Variants in CHEK2 observed in about 807,000 individuals in gnomAD.
CHEK2 encodes checkpoint kinase 2.
A neutral mutation model predicts 69.1 loss-of-function variants in CHEK2; 71 were observed. The ratio of observed to expected loss-of-function variants is 1.03; its 90% CI spans 0.85 to 1.25. CHEK2 has a LOEUF of 1.25. CHEK2 is among the 50% of genes most tolerant of loss of function. CHEK2 has a pLI of 0.00. For synonymous variants in CHEK2, 189 were observed against 226.9 expected, an observed-to-expected ratio of 0.83 and a Z score of 1.50; for missense variants, 664 against 649.6, an observed-to-expected ratio of 1.02 and a Z score of -0.24.
chr22:28,695,274 A>G (rs571578266), intron 11 of CHEK2, 32 bp from the exon 12 acceptor site: 1 of 1,215,754 alleles, frequency 8.2e-7, no homozygotes, highest in African/African-American at 1.5e-5. Flanking sequence ...AAGGAAAAGA[A>G]ATCAAGTGGC....
intron 2 of CHEK2, among the ~76,000 whole-genome samples, chr22:28,733,214 C>A (rs1368212955): frequency 6.6e-6 from 1 of 152,142 alleles, no homozygotes; most frequent in African/African-American, 2.4e-5. Flanking sequence ...GAGACAAAAA[C>A]AAGTAACAAG....
intron 7 of CHEK2, chr22:28,708,952 CAAAAAAAAA>C (rs374623367): frequency 3.0e-6 from 1 of 328,446 alleles, no homozygotes; most frequent in Non-Finnish European, 5.8e-6. Context: ...GCCTCCGTCT[CAAAAAAAAA>C]AAAAAAAAAA....
intron 13 of CHEK2, among the ~76,000 whole-genome samples, chr22:28,691,942 T>G (rs1374260004): frequency 6.6e-6 from 1 of 152,222 alleles, no homozygotes; most frequent in Non-Finnish European, 1.5e-5. Context: ...ACCCAAACTA[T>G]CACTAACAGA....
chr22:28,705,055 C>A (rs957514050), intron 7 of CHEK2, among the ~76,000 whole-genome samples: 2 of 151,292 alleles, frequency 1.3e-5, no homozygotes, highest in Non-Finnish European at 2.9e-5. Flanking sequence ...AATACAAAAT[C>A]TGAATACTCC....
intron 7 of CHEK2, among the ~76,000 whole-genome samples, chr22:28,708,506 C>G (rs1465660075): frequency 6.6e-6 from 1 of 151,906 alleles, no homozygotes; most frequent in East Asian, 1.9e-4. Context: ...AGGTCAGCCA[C>G]TCAGGTTCTC....
intron 5 of CHEK2, among the ~76,000 whole-genome samples, chr22:28,712,714 A>C (rs2053447999): frequency 6.6e-6 from 1 of 152,192 alleles, no homozygotes; most frequent in Non-Finnish European, 1.5e-5. Context: ...CTAGGGCATC[A>C]ATTACCCATT....
rs1555911587 is a variant in CHEK2 at position 28,687,953 on chromosome 22, C to A, written c.1576G>T (p.Glu526Ter). ...STSRKRPREG[E>*]AEGAETTKRP... ...TTTGTGGTCTCGGCACCCTCGGCTT[C>A]CCCTTCACGGGGCCGCTTTCGACTA... The change falls in exon 15 of 15, where the codon GAA becomes TAA. Residue 526 changes from glutamate (E) to a stop codon, truncating the protein, a stop_gained. Coordinates refer to ENST00000404276, the MANE Select transcript of CHEK2 (RefSeq NM_007194.4). LOFTEE classifies it high-confidence loss of function. 6.3e-7 allele frequency: 1 copy of A among 1,596,396 alleles called. No homozygotes were observed. The highest frequency in any genetic ancestry group is 8.5e-7 in the Non-Finnish European group (1 of 1,179,740).
At position 28,734,415 on chromosome 22, in the gene CHEK2, A is replaced by G. The variant is rs587781669; in HGVS notation, c.307T>C (p.Phe103Leu). 4 of 1,613,888 alleles carry G rather than the reference A, an allele frequency of 2.5e-6. No individual in the cohort carries two copies. The highest frequency in any genetic ancestry group is 3.4e-6 in the Non-Finnish European group (4 of 1,179,902). Residue 103 changes from phenylalanine to leucine, a missense_variant, in exon 2 of 15, where the codon TTT becomes CTT. Phe to Leu is a conservative substitution (Grantham distance 22, BLOSUM62 0). Coordinates refer to ENST00000404276, the MANE Select transcript of CHEK2 (RefSeq NM_007194.4). Reference protein sequence around the residue: ...WARLWALQDGFANLECVNDNY... With the variant: ...WARLWALQDGLANLECVNDNY... Reference sequence around the variant, plus strand: ...CAAAGGGTCTTACCAAGATTGGCAAATCCATCCTGAAGGGCCCATAATCGA... The same window carrying G: ...CAAAGGGTCTTACCAAGATTGGCAAGTCCATCCTGAAGGGCCCATAATCGA...
At chr22:28,693,251 A>C (rs1176224002) in intron 13 of CHEK2, among the ~76,000 whole-genome samples, 1 of 152,228 alleles carries the variant, frequency 6.6e-6, no homozygotes, top group Non-Finnish European at 1.5e-5. Context: ...AACTCTTGGC[A>C]GTTCCAGATG....
intron 2 of CHEK2, among the ~76,000 whole-genome samples, chr22:28,729,732 T>C (rs1420905245): frequency 6.6e-6 from 1 of 151,990 alleles, no homozygotes; most frequent in Non-Finnish European, 1.5e-5. Flanking sequence ...AGTAAACTCC[T>C]TCAACCTAAT....
At chr22:28,691,887 A>G (rs1302044059) in intron 13 of CHEK2, among the ~76,000 whole-genome samples, 1 of 152,214 alleles carries the variant, frequency 6.6e-6, no homozygotes, top group Non-Finnish European at 1.5e-5. Flanking sequence ...CAGACCCACA[A>G]AACCATTTGG....
At chr22:28,695,053 T>C (rs1344630366) in intron 12 of CHEK2, 74 bp downstream of exon 12, 18 of 906,430 alleles carry the variant, frequency 2.0e-5, no homozygotes, top group Non-Finnish European at 2.6e-5. Context: ...ACCATGGAAT[T>C]TGGGAAGAAA....
At chr22:28,732,093 C>T (rs2054234254) in intron 2 of CHEK2, among the ~76,000 whole-genome samples, 1 of 152,006 alleles carries the variant, frequency 6.6e-6, no homozygotes, top group Non-Finnish European at 1.5e-5. Context: ...AGATGCCTGC[C>T]ACAACGCCCC....
intron 4 of CHEK2, among the ~76,000 whole-genome samples, chr22:28,719,717 T>C (rs920387947): frequency 2.0e-5 from 3 of 152,240 alleles, no homozygotes; most frequent in African/African-American, 7.2e-5. Flanking sequence ...AATGGAACTA[T>C]AAGCATCACT....
intron 10 of CHEK2, 89 bp from the exon 11 acceptor site, chr22:28,695,962 C>A: frequency 2.0e-6 from 2 of 1,015,758 alleles, no homozygotes; most frequent in South Asian, 2.6e-5. Flanking sequence ...GACACGTAGG[C>A]TAGATCAGTT....
intron 2 of CHEK2, among the ~76,000 whole-genome samples, chr22:28,733,769 A>G (rs1411632648): frequency 1.3e-5 from 2 of 151,936 alleles, no homozygotes; most frequent in African/African-American, 4.8e-5. Flanking sequence ...AAATACAAAA[A>G]TTAGCCAGGT....
intron 7 of CHEK2, among the ~76,000 whole-genome samples, chr22:28,705,169 C>T (rs1426623854): frequency 4.6e-5 from 7 of 151,284 alleles, no homozygotes; most frequent in African/African-American, 1.7e-4. Context: ...AGCTCTGCCT[C>T]CCGGGTTCAC....
In CHEK2 at chr22:28,696,942, T is replaced by C. The variant is rs1361935182; in HGVS notation, c.1054A>G (p.Asn352Asp). The part of the protein sequence containing the change: ...GIIHRDLKPE[N>D]VLLSSQEEDC... ...TCTTCTTGAGATGACAGTAAAACATTCTCTGGCTTTAAGTCACGGTGTATA... is the reference window on the plus strand; with the variant it reads ...TCTTCTTGAGATGACAGTAAAACATCCTCTGGCTTTAAGTCACGGTGTATA... Residue 352 changes from asparagine (N) to aspartate (D), a missense_variant, in exon 10 of 15, where the codon AAT becomes GAT. Transcript: ENST00000404276. 6.2e-7 allele frequency: 1 copy of C among 1,613,460 alleles called. No homozygotes were observed. Among genetic ancestry groups the C allele is most frequent in the Admixed American group, 1.7e-5 (1 of 59,974 alleles).
chr22:28,718,739 A>T (rs933038020), intron 5 of CHEK2, among the ~76,000 whole-genome samples: 5 of 151,656 alleles, frequency 3.3e-5, no homozygotes, highest in Non-Finnish European at 7.4e-5. Flanking sequence ...AAAATTAGCC[A>T]GGCACGGTGG....
Sources: allele counts gnomAD v4.1 joint callset (sites outside exome capture counted in the v4.1 genomes callset), GRCh38; gene constraint gnomAD v4.1.1; transcripts MANE v1.5; gene names NCBI Gene and HGNC (gene_info 2026-07-23, HGNC 2026-07-21).